L3MBTL4: variants seen among roughly 807,000 people sequenced by gnomAD.
The protein encoded by L3MBTL4 is L3MBTL histone methyl-lysine binding protein 4, also known as lethal(3)malignant brain tumor-like protein 4.
L3MBTL4 carries 70 observed loss-of-function variants against 84.5 expected under a neutral mutation model. The ratio of observed to expected loss-of-function variants is 0.83; its 90% CI spans 0.68 to 1.01. L3MBTL4 has a LOEUF of 1.01. L3MBTL4 is among the 50% of genes least tolerant of loss of function. L3MBTL4 has a pLI of 0.00. For missense variants in L3MBTL4, 715 were observed against 754.8 expected, an observed-to-expected ratio of 0.95 and a Z score of 0.62; for synonymous variants, 274 against 259.8, an observed-to-expected ratio of 1.05 and a Z score of -0.52.
chr18:6,000,784 T>C (rs1013689481), intron 16 of L3MBTL4, among the ~76,000 whole-genome samples: 3 of 152,206 alleles, frequency 2.0e-5, no homozygotes, highest in Admixed American at 1.3e-4. Flanking sequence ...AAACACTCAT[T>C]ACAGCATCCA....
At chr18:5,974,783 G>T (rs1448194764) in intron 16 of L3MBTL4, among the ~76,000 whole-genome samples, 1 of 152,066 alleles carries the variant, frequency 6.6e-6, no homozygotes, top group Admixed American at 6.6e-5. Flanking sequence ...TTGACAACAC[G>T]GTGAGACCCT....
intron 9 of L3MBTL4, 106 bp downstream of exon 9, chr18:6,239,612 T>G: frequency 1.9e-6 from 2 of 1,076,230 alleles, no homozygotes. Flanking sequence ...TTCCTAATGC[T>G]CATCACTATT....
chr18:6,324,702 C>A (rs2051622367), intron 1 of L3MBTL4, among the ~76,000 whole-genome samples: 1 of 152,108 alleles, frequency 6.6e-6, no homozygotes. Flanking sequence ...CACACCGGAG[C>A]CTGAAATGAA....
At chr18:6,115,001 T>C (rs2059312610) in intron 14 of L3MBTL4, among the ~76,000 whole-genome samples, 1 of 152,118 alleles carries the variant, frequency 6.6e-6, no homozygotes, top group African/African-American at 2.4e-5. Flanking sequence ...ATGTGTACAT[T>C]GTATTATAAT....
chr18:6,355,412 C>T (rs1412946663), intron 1 of L3MBTL4, among the ~76,000 whole-genome samples: 2 of 151,764 alleles, frequency 1.3e-5, no homozygotes, highest in African/African-American at 2.4e-5. Flanking sequence ...TATGATAAGG[C>T]AAGCATATTT....
intron 4 of L3MBTL4, among the ~76,000 whole-genome samples, chr18:6,301,185 G>C (rs2050322591): frequency 6.6e-6 from 1 of 151,846 alleles, no homozygotes; most frequent in African/African-American, 2.4e-5. Context: ...AAACACAAAA[G>C]CTTCCTCAAC....
chr18:6,129,566 TG>T (rs2059812330), intron 14 of L3MBTL4, among the ~76,000 whole-genome samples: 1 of 152,232 alleles, frequency 6.6e-6, no homozygotes, highest in African/African-American at 2.4e-5. Context: ...ATATGTACTA[TG>T]ATATCCTAAA....
chr18:6,275,917 C>G (rs2049060734), intron 4 of L3MBTL4, among the ~76,000 whole-genome samples: 5 of 152,180 alleles, frequency 3.3e-5, no homozygotes. Context: ...TAGGGCAAAC[C>G]TGCTTCCCAC....
chr18:6,376,774 T>C (rs1429928723), intron 1 of L3MBTL4, among the ~76,000 whole-genome samples: 1 of 152,178 alleles, frequency 6.6e-6, no homozygotes, highest in East Asian at 1.9e-4. Context: ...GGTCCTCAAC[T>C]ACTTTCCTTA....
chr18:6,410,893 TGAA>T (rs1000870925), intron 1 of L3MBTL4, among the ~76,000 whole-genome samples: 4 of 152,108 alleles, frequency 2.6e-5, no homozygotes, highest in Admixed American at 6.5e-5. Context: ...CAACACAAAA[TGAA>T]GAAGGTTCAC....
intron 16 of L3MBTL4, among the ~76,000 whole-genome samples, chr18:6,015,224 T>C (rs953815961): frequency 1.3e-4 from 20 of 151,980 alleles, no homozygotes; most frequent in Non-Finnish European, 2.4e-4. Context: ...AGGGGGACTG[T>C]GTAGAGAAGA....
chr18:6,322,856 G>A (rs928939289), intron 1 of L3MBTL4, among the ~76,000 whole-genome samples: 6 of 152,070 alleles, frequency 3.9e-5, no homozygotes, highest in African/African-American at 1.4e-4. Context: ...AGTAAATACG[G>A]TTTGGATCTG....
intron 16 of L3MBTL4, among the ~76,000 whole-genome samples, chr18:6,044,995 C>T (rs1001176259): frequency 1.3e-5 from 2 of 152,250 alleles, no homozygotes; most frequent in Non-Finnish European, 2.9e-5. Flanking sequence ...TAGCTGACAA[C>T]CACCACTATA....
chr18:6,360,657 TC>T (rs1465662474), intron 1 of L3MBTL4, among the ~76,000 whole-genome samples: 1 of 152,048 alleles, frequency 6.6e-6, no homozygotes. Context: ...TAAACTGCTT[TC>T]CCATACATTA....
At chr18:6,136,473 A>G (rs1268536040) in intron 14 of L3MBTL4, among the ~76,000 whole-genome samples, 1 of 152,218 alleles carries the variant, frequency 6.6e-6, no homozygotes, top group African/African-American at 2.4e-5. Context: ...TTTCTGCATG[A>G]AAGATGGAAA....
At chr18:6,005,770 G>A (rs979654782) in intron 16 of L3MBTL4, among the ~76,000 whole-genome samples, 6 of 152,048 alleles carry the variant, frequency 3.9e-5, no homozygotes, top group Non-Finnish European at 5.9e-5. Flanking sequence ...CCACATTTTC[G>A]TTATTGTGAA....
intron 13 of L3MBTL4, among the ~76,000 whole-genome samples, chr18:6,157,201 A>T (rs555114418): frequency 2.6e-5 from 4 of 152,214 alleles, no homozygotes; most frequent in Admixed American, 6.5e-5. Context: ...AGGGACTCTT[A>T]AAACTGCTGA....
intron 12 of L3MBTL4, among the ~76,000 whole-genome samples, chr18:6,211,796 G>A (rs2046117014): frequency 6.6e-6 from 1 of 151,922 alleles, no homozygotes; most frequent in Admixed American, 6.6e-5. Context: ...TTACAGGCAC[G>A]TGACACCACA....
rs778380283 is a variant in L3MBTL4 at position 6,066,920 on chromosome 18, GT to G, written c.1444+13960del. Among the ~76,000 whole-genome samples the G allele has an allele frequency of 3.4e-3, 466 of 136,472 alleles. 1 individual carries two copies. The highest frequency in any genetic ancestry group is 0.011 in the East Asian group (49 of 4,548). The allele number at this position is 136,472 out of a possible 152,430, so 89.5% of individuals were successfully genotyped here. The stretch of plus-strand genomic sequence containing the variant: ...ATATTAGATGTTGCCTAGATACTTT[GT>G]TTTTTTTTTTTTCATTGTGTTATTG... On this transcript the variant is annotated intron_variant, in intron 16 of 18. Transcript: ENST00000317931.
Sources: allele counts gnomAD v4.1 joint callset (sites outside exome capture counted in the v4.1 genomes callset), GRCh38; gene constraint gnomAD v4.1.1; transcripts MANE v1.5; gene names NCBI Gene and HGNC (gene_info 2026-07-23, HGNC 2026-07-21).